THSD4: variants seen among roughly 807,000 people sequenced by gnomAD.
The protein encoded by THSD4 is thrombospondin type-1 domain-containing protein 4.
Under a neutral mutation model 119.0 loss-of-function variants are expected in THSD4, and 69 were observed. The observed-to-expected ratio is 0.58, with a 90% confidence interval of 0.48 to 0.71. The LOEUF (loss-of-function observed/expected upper bound fraction) is 0.71, where lower values mean the gene tolerates loss of function less well. THSD4 is among the 30% of genes least tolerant of loss of function. The pLI is 0.00. For synonymous variants in THSD4, 524 were observed against 540.4 expected (o/e 0.97, Z 0.42); for missense variants, 1,393 against 1,391.1 (o/e 1.00, Z -0.02).
chr15:71,320,805 C>CT (rs954069412), intron 6 of THSD4, among the ~76,000 whole-genome samples: 56 of 151,338 alleles, frequency 3.7e-4, no homozygotes, highest in South Asian at 2.1e-4. Flanking sequence ...CTCCAGACAT[C>CT]TTTTTTTTTC....
intron 7 of THSD4, among the ~76,000 whole-genome samples, chr15:71,424,618 A>C (rs1199769072): frequency 6.6e-6 from 1 of 152,142 alleles, no homozygotes; most frequent in Non-Finnish European, 1.5e-5. Context: ...GGTCTCAGAG[A>C]CACTCTGGCC....
At chr15:71,484,480 A>G (rs1315751858) in intron 7 of THSD4, among the ~76,000 whole-genome samples, 2 of 152,176 alleles carry the variant, frequency 1.3e-5, no homozygotes, top group African/African-American at 4.8e-5. Context: ...TGGCTTTTAA[A>G]CCAAACCTGT....
At chr15:71,380,825 C>T (rs996869143) in intron 6 of THSD4, among the ~76,000 whole-genome samples, 3 of 152,196 alleles carry the variant, frequency 2.0e-5, no homozygotes, top group African/African-American at 7.2e-5. Flanking sequence ...CCACCCACCA[C>T]TTAGGATGCC....
intron 15 of THSD4, among the ~76,000 whole-genome samples, chr15:71,760,171 T>C (rs973733056): frequency 3.9e-5 from 6 of 152,202 alleles, no homozygotes; most frequent in Admixed American, 2.0e-4. Flanking sequence ...GGAGTAGACA[T>C]GTGATCCAAC....
chr15:71,397,167 C>T (rs1434256670), intron 6 of THSD4, among the ~76,000 whole-genome samples: 1 of 152,184 alleles, frequency 6.6e-6, no homozygotes, highest in African/African-American at 2.4e-5. Flanking sequence ...GAATGTCTCC[C>T]AGCATCTTGT....
In THSD4 at chr15:71,578,885, C is replaced by A. The variant is rs149439211; in HGVS notation, c.1153-81645C>A. Among the ~76,000 whole-genome samples the A allele has an allele frequency of 2.7e-5, 4 of 148,464 alleles. No homozygotes were observed. The Admixed American group carries it at 2.7e-4, about 10-fold the overall frequency. On this transcript the variant is annotated intron_variant, in intron 7 of 17. Transcript: ENST00000261862. ...TTGAGACGGAGTCTTGCTGTGTCGC[C>A]CAGGCTGGAGTGTAGTGGCACAATC...
At chr15:71,530,178 A>G (rs568677560) in intron 7 of THSD4, among the ~76,000 whole-genome samples, 1 of 152,288 alleles carries the variant, frequency 6.6e-6, no homozygotes, top group African/African-American at 2.4e-5. Context: ...AAAATGAACG[A>G]GTTCTGTATG....
intron 6 of THSD4, among the ~76,000 whole-genome samples, chr15:71,306,307 C>CAAAAAAAAAAAAAAA (rs67260180): frequency 1.6e-5 from 1 of 62,936 alleles, no homozygotes; most frequent in African/African-American, 6.6e-5. Flanking sequence ...ACTCTTGCCT[C>CAAAAAAAAAAAAAAA]AAAAAAAAAA....
chr15:71,602,507 C>T (rs530298729), intron 7 of THSD4, among the ~76,000 whole-genome samples: 1 of 118,730 alleles, frequency 8.4e-6, no homozygotes, highest in Admixed American at 1.2e-4. Context: ...GAGCCAAGAT[C>T]ACATCGTTGC....
intron 7 of THSD4, among the ~76,000 whole-genome samples, chr15:71,466,658 G>A (rs1270221028): frequency 1.3e-5 from 2 of 152,138 alleles, no homozygotes; most frequent in Non-Finnish European, 2.9e-5. Flanking sequence ...CCAGATTGTG[G>A]CAGTGGCTTG....
At chr15:71,112,951 G>A (rs2040318206), upstream of THSD4, among the ~76,000 whole-genome samples, 1 of 152,134 alleles carries the variant, frequency 6.6e-6, no homozygotes, top group Admixed American at 6.5e-5. Context: ...GGCCAAGAAC[G>A]GAGGATCACT....
chr15:71,501,338 A>C (rs1371565080), intron 7 of THSD4, among the ~76,000 whole-genome samples: 2 of 152,236 alleles, frequency 1.3e-5, no homozygotes, highest in Admixed American at 6.5e-5. Context: ...TTTGCAAAGA[A>C]AGAAATTGAG....
chr15:71,204,185 T>C (rs1014144764), intron 3 of THSD4, among the ~76,000 whole-genome samples: 4 of 152,214 alleles, frequency 2.6e-5, no homozygotes, highest in Non-Finnish European at 5.9e-5. Flanking sequence ...GCACATGCCC[T>C]GTGTTATTTT....
chr15:71,428,534 C>T (rs948619646), intron 7 of THSD4, among the ~76,000 whole-genome samples: 2 of 152,172 alleles, frequency 1.3e-5, no homozygotes, highest in Non-Finnish European at 2.9e-5. Context: ...AAACATTCGT[C>T]ACCTGAACAC....
intron 7 of THSD4, among the ~76,000 whole-genome samples, chr15:71,438,995 A>G (rs4511482): frequency 0.72 from 108,884 of 152,078 alleles, 39,871 homozygotes; most frequent in Non-Finnish European, 0.81. Context: ...CCAAATGACA[A>G]GACCACGGTA....
chr15:71,711,451 A>T, intron 8 of THSD4, among the ~76,000 whole-genome samples: 1 of 152,142 alleles, frequency 6.6e-6, no homozygotes, highest in Non-Finnish European at 1.5e-5. Flanking sequence ...TCAAAGAGAT[A>T]TGACCAACAT....
chr15:71,643,333 A>G (rs1394200022), intron 7 of THSD4, among the ~76,000 whole-genome samples: 3 of 152,194 alleles, frequency 2.0e-5, no homozygotes, highest in Non-Finnish European at 4.4e-5. Context: ...TTTAGGTTCA[A>G]GAGTACATGT....
chr15:71,205,813 A>G (rs1354891500), intron 3 of THSD4, among the ~76,000 whole-genome samples: 1 of 149,942 alleles, frequency 6.7e-6, no homozygotes, highest in Non-Finnish European at 1.5e-5. Flanking sequence ...GTCTCAGATG[A>G]TTTATCACCA....
chr15:71,200,811 A>G (rs531735536), intron 3 of THSD4, among the ~76,000 whole-genome samples: 6 of 152,126 alleles, frequency 3.9e-5, no homozygotes, highest in East Asian at 1.9e-4. Context: ...ATACAATGCA[A>G]CTCCATCCAC....
Sources: allele counts gnomAD v4.1 joint callset (sites outside exome capture counted in the v4.1 genomes callset), GRCh38; gene constraint gnomAD v4.1.1; transcripts MANE v1.5; gene names NCBI Gene and HGNC (gene_info 2026-07-23, HGNC 2026-07-21).